Variants in ZBTB20 observed in about 807,000 individuals in gnomAD.
ZBTB20 encodes zinc finger and BTB domain-containing protein 20.
Under a neutral mutation model 56.9 loss-of-function variants are expected in ZBTB20, and 9 were observed. The observed-to-expected ratio is 0.16, with a 90% CI of 0.10 to 0.28. The LOEUF is 0.28. Ranked by LOEUF, ZBTB20 falls within the 10% of genes least tolerant of loss-of-function variation. The pLI is 1.00. For synonymous variants in ZBTB20, 417 were observed against 420.7 expected (o/e 0.99, Z 0.11); for missense variants, 655 against 1,003.0 (o/e 0.65, Z 4.69).
chr3:114,350,188 C>A (rs1236575853), intron 11 of ZBTB20, 86 bp downstream of exon 11: 25 of 1,509,824 alleles, frequency 1.7e-5, no homozygotes, highest in Non-Finnish European at 2.2e-5. Flanking sequence ...TGATCCCAAA[C>A]CTTCCCTTCT....
intron 5 of ZBTB20, among the ~76,000 whole-genome samples, chr3:114,726,060 CTA>C (rs2065254070): frequency 6.6e-6 from 1 of 152,082 alleles, no homozygotes; most frequent in Admixed American, 6.5e-5. Flanking sequence ...ACAGATAAGA[CTA>C]TGTAACCGGT....
intron 11 of ZBTB20, among the ~76,000 whole-genome samples, chr3:114,340,654 G>A (rs185446490): frequency 6.6e-6 from 1 of 152,294 alleles, no homozygotes; most frequent in East Asian, 1.9e-4. Flanking sequence ...CTCTGCTCCT[G>A]ACAGGTGAGA....
chr3:114,781,303 C>T (rs951900829), intron 5 of ZBTB20, among the ~76,000 whole-genome samples: 1 of 151,962 alleles, frequency 6.6e-6, no homozygotes, highest in Admixed American at 6.6e-5. Flanking sequence ...GGATGGAATG[C>T]CATAAATTTA....
chr3:114,430,992 A>T (rs1419724687), intron 7 of ZBTB20, among the ~76,000 whole-genome samples: 2 of 152,166 alleles, frequency 1.3e-5, no homozygotes, highest in Non-Finnish European at 2.9e-5. Flanking sequence ...TTTAAATGAA[A>T]ACATGGAGTT....
intron 1 of ZBTB20, among the ~76,000 whole-genome samples, chr3:115,116,501 T>C (rs77414067): frequency 0.014 from 2,167 of 152,164 alleles, 28 homozygotes; most frequent in South Asian, 0.036. Flanking sequence ...ATGAGTCTCA[T>C]ATAGCTTATC....
intron 1 of ZBTB20, among the ~76,000 whole-genome samples, chr3:115,119,968 A>G (rs1396278567): frequency 2.6e-5 from 4 of 152,100 alleles, no homozygotes; most frequent in Non-Finnish European, 1.5e-5. Flanking sequence ...TATTCTGGAA[A>G]AGGCAAAACT....
At chr3:114,978,048 C>G (rs2078176956) in intron 2 of ZBTB20, among the ~76,000 whole-genome samples, 1 of 149,138 alleles carries the variant, frequency 6.7e-6, no homozygotes, top group Non-Finnish European at 1.5e-5. Context: ...CAGAAAACAT[C>G]TTTAACAAAA....
chr3:114,549,717 G>C (rs1020836971), intron 6 of ZBTB20, among the ~76,000 whole-genome samples: 2 of 149,916 alleles, frequency 1.3e-5, no homozygotes, highest in African/African-American at 4.9e-5. Flanking sequence ...GCTATGGGCA[G>C]AGTTGATTTC....
At chr3:115,128,774 G>T (rs571822738) in intron 1 of ZBTB20, among the ~76,000 whole-genome samples, 44 of 150,414 alleles carry the variant, frequency 2.9e-4, no homozygotes, top group Admixed American at 9.9e-4. Context: ...GGGATGGGAA[G>T]GGAGAAAGAG....
intron 6 of ZBTB20, among the ~76,000 whole-genome samples, chr3:114,595,165 C>T (rs1203939146): frequency 6.6e-6 from 1 of 152,148 alleles, no homozygotes; most frequent in African/African-American, 2.4e-5. Context: ...TAGTTTAGTA[C>T]AACACTCCAA....
At chr3:114,608,840 A>G (rs1176741739) in intron 6 of ZBTB20, among the ~76,000 whole-genome samples, 1 of 151,962 alleles carries the variant, frequency 6.6e-6, no homozygotes, top group Non-Finnish European at 1.5e-5. Context: ...ACTAATTTCT[A>G]CTCTACTGGA....
chr3:114,386,527 T>C (rs750467806), intron 8 of ZBTB20, among the ~76,000 whole-genome samples: 2 of 152,206 alleles, frequency 1.3e-5, no homozygotes, highest in African/African-American at 2.4e-5. Flanking sequence ...CCATTTAAAC[T>C]GAAGGGGCAA....
chr3:114,886,846 G>A (rs78702215), intron 4 of ZBTB20, among the ~76,000 whole-genome samples: 4,378 of 152,266 alleles, frequency 0.029, 145 homozygotes, highest in African/African-American at 0.074. Context: ...GTCAAATACC[G>A]AGGGGAAAAA....
At chr3:114,471,769 A>G (rs2040159137) in intron 7 of ZBTB20, among the ~76,000 whole-genome samples, 1 of 152,238 alleles carries the variant, frequency 6.6e-6, no homozygotes, top group African/African-American at 2.4e-5. Flanking sequence ...TTCATGTGTC[A>G]TTAACTGAAC....
chr3:115,110,153 A>G (rs2083833910), intron 1 of ZBTB20, among the ~76,000 whole-genome samples: 1 of 152,022 alleles, frequency 6.6e-6, no homozygotes, highest in Non-Finnish European at 1.5e-5. Flanking sequence ...CGGAGGTTGC[A>G]GTGAGCAGAG....
In ZBTB20 at chr3:114,732,788, A is replaced by C. The variant is rs184476077; in HGVS notation, c.-342-39213T>G. ...GATGGGGATGCAGGTTGGACTTTAA[A>C]TGCACAAATCAGTTCTAATAAAAAC... is the stretch of plus-strand genomic sequence containing the variant. On this transcript the variant is annotated intron_variant, in intron 5 of 11. Coordinates refer to ENST00000675478, the MANE Select transcript of ZBTB20 (RefSeq NM_001348800.3). 1.9e-4 allele frequency among the ~76,000 whole-genome samples: 29 copies of C among 152,268 alleles called. No individual in the cohort carries two copies. The East Asian group carries it at 5.6e-3, about 29-fold the overall frequency.
At position 114,389,123 on chromosome 3, in the gene ZBTB20, C is replaced by T. The variant is rs1004349117; in HGVS notation, c.-254-18G>A. ...GGCTGCATCTAGATCAGACAAAAAA[C>T]AAAAATAAGGTTGTTAAATGAACAG... On this transcript the variant is annotated intron_variant, in intron 7 of 11. Coordinates refer to ENST00000675478, the MANE Select transcript of ZBTB20 (RefSeq NM_001348800.3). The T allele has an allele frequency of 2.0e-5, 3 of 152,090 alleles. No homozygotes were observed. Among genetic ancestry groups the T allele is most frequent in the Non-Finnish European group, 2.9e-5 (2 of 68,002 alleles). 9.4% of individuals were successfully genotyped at this position (152,090 alleles called of 1,614,324 possible). A position where few individuals can be genotyped will look rare whatever the true frequency, so the allele number is the denominator to read the frequency against.
At chr3:114,817,885 T>C (rs2073032752) in intron 4 of ZBTB20, among the ~76,000 whole-genome samples, 1 of 152,128 alleles carries the variant, frequency 6.6e-6, no homozygotes, top group African/African-American at 2.4e-5. Flanking sequence ...GCAAGTTAGA[T>C]TATGCTACAC....
chr3:115,139,442 T>C (rs995476980), intron 1 of ZBTB20, among the ~76,000 whole-genome samples: 7 of 152,194 alleles, frequency 4.6e-5, no homozygotes, highest in African/African-American at 1.7e-4. Flanking sequence ...GGACAATATT[T>C]GCAAAGTCTT....
Sources: gnomAD v4.1 joint callset for allele counts (sites outside exome capture counted in the v4.1 genomes callset) on GRCh38, gnomAD v4.1.1 for gene constraint, MANE v1.5 for transcripts, NCBI Gene and HGNC (gene_info 2026-07-23, HGNC 2026-07-21) for gene names.